Variants in DPP3 observed in about 807,000 individuals in gnomAD.
DPP3 encodes dipeptidyl peptidase 3, also known as DPP III.
Under a neutral mutation model 89.8 loss-of-function variants are expected in DPP3, and 64 were observed. That is an observed-to-expected ratio of 0.71 (90% CI 0.58 to 0.88). DPP3 has a LOEUF of 0.88. DPP3 is among the 40% of genes least tolerant of loss of function. The pLI, the probability that DPP3 is intolerant of heterozygous loss-of-function variation, is 0.00. For missense variants in DPP3, 835 were observed against 972.5 expected, an observed-to-expected ratio of 0.86 and a Z score of 1.88; for synonymous variants, 377 against 404.3, an observed-to-expected ratio of 0.93 and a Z score of 0.81.
chr11:66,487,983 C>A lies in DPP3; in HGVS notation c.643C>A (p.Arg215=). ...AGAAGGGAAGCCCTACTACGAGGTG[C>A]GGCTGGCTTCTGTGCTTGGCTCAGG... The part of the protein sequence containing the change: ...DGEGKPYYEV[R]LASVLGSEPS... The change falls in exon 6 of 18, where the codon CGG becomes AGG. Residue 215 remains arginine, a synonymous_variant. Transcript: ENST00000531863. 1 of 1,613,986 alleles carries A rather than the reference C, an allele frequency of 6.2e-7. No homozygotes were observed. Among genetic ancestry groups the A allele is most frequent in the Non-Finnish European group, 8.5e-7 (1 of 1,179,920 alleles).
chr11:66,503,809 C>T (rs911723341), intron 16 of DPP3, among the ~76,000 whole-genome samples: 2 of 152,258 alleles, frequency 1.3e-5, no homozygotes, highest in East Asian at 3.9e-4. Context: ...ATCACTTGAA[C>T]CCGGGAGGCA....
intron 17 of DPP3, among the ~76,000 whole-genome samples, chr11:66,508,103 G>C (rs1212685534): frequency 6.6e-6 from 1 of 152,218 alleles, no homozygotes; most frequent in South Asian, 2.1e-4. Context: ...TCACAAAGCT[G>C]TTGGGTGGCA....
At chr11:66,497,061 C>T (rs1463241814) in intron 15 of DPP3, among the ~76,000 whole-genome samples, 1 of 152,136 alleles carries the variant, frequency 6.6e-6, no homozygotes, top group Non-Finnish European at 1.5e-5. Context: ...AAATGGCCTC[C>T]CTGTCTCCTA....
Position 66,491,530 on chromosome 11 carries a change from G to T in DPP3, c.835G>T (p.Ala279Ser), listed in dbSNP as rs200633983. The T allele has an allele frequency of 5.0e-6, 8 of 1,612,730 alleles. No individual in the cohort carries two copies. The highest frequency in any genetic ancestry group is 6.8e-6 in the Non-Finnish European group (8 of 1,179,248). The change falls in exon 8 of 18, where the codon GCC (alanine) becomes TCC (serine). Residue 279 changes from alanine (A) to serine (S), a missense_variant. Ala to Ser is a moderately conservative substitution (Grantham distance 99, BLOSUM62 1). Coordinates refer to ENST00000531863, the MANE Select transcript of DPP3 (RefSeq NM_130443.4). ...AANSHQGQML[A>S]QYIESFTQGS... ...CAACAGCCACCAGGGGCAGATGCTG[G>T]CCCAGTATATAGAGAGCTTCACCCA...
At position 66,486,499 on chromosome 11, in the gene DPP3, T is replaced by G. The variant is rs1855231059; in HGVS notation, c.361-41T>G. ...GTAGGGAGGCTCTGGAAGGCAGGTT[T>G]GGGTGGTGTGACTGGGCCATTGGCC... On this transcript the variant is annotated intron_variant, in intron 3 of 17. Coordinates refer to ENST00000531863, the MANE Select transcript of DPP3 (RefSeq NM_130443.4). 2.0e-6 allele frequency: 3 copies of G among 1,465,056 alleles called. No individual in the cohort carries two copies. The East Asian group carries it at 7.8e-5, about 38-fold the overall frequency. 90.8% of individuals were successfully genotyped at this position (1,465,056 alleles called of 1,614,324 possible).
rs769395226 is a variant in DPP3 at position 66,504,758 on chromosome 11, C to T, written c.2025C>T (p.Pro675=). ...AATCTCGGAAGCTCATTGTTCAGCC[C>T]AACACTCGCCTTGAAGGTAATGAGG... ...RKESRKLIVQ[P]NTRLEGSDVQ... The change falls in exon 17 of 18, where the codon CCC becomes CCT. Residue 675 remains proline, a synonymous_variant. Transcript: ENST00000531863. 9 of 1,611,684 alleles carry T rather than the reference C, an allele frequency of 5.6e-6. No individual in the cohort carries two copies. Among genetic ancestry groups the T allele is most frequent in the Middle Eastern group, 1.8e-4 (1 of 5,576 alleles).
chr11:66,493,779 C>T (rs1855459913), intron 12 of DPP3, 146 bp downstream of exon 12: 2 of 777,938 alleles, frequency 2.6e-6, no homozygotes, highest in Non-Finnish European at 4.0e-6. Flanking sequence ...CAGAGAAGAC[C>T]CTGTCTTGCC....
At chr11:66,484,269 G>A (rs1416777667) in intron 2 of DPP3, among the ~76,000 whole-genome samples, 2 of 152,090 alleles carry the variant, frequency 1.3e-5, no homozygotes, top group African/African-American at 4.8e-5. Flanking sequence ...GAGCCACCAC[G>A]CCTGGCCATT....
rs11826683 is a variant in DPP3 at position 66,482,427 on chromosome 11, G to A, written c.227G>A (p.Arg76His). The A allele has an allele frequency of 3.9e-3, 6,255 of 1,608,834 alleles. 204 individuals carry two copies. The African/African-American group carries it at 0.073, about 19-fold the overall frequency. ...LFRAQDPDQL[R>H]QHALAEGLTE... ...CGCGCCCAGGACCCCGACCAGCTGC[G>A]CCAACATGCCCTGGCTGAAGGCCTT... Residue 76 changes from arginine to histidine, a missense_variant, in exon 2 of 18, where the codon CGC becomes CAC. By Grantham distance (29) the Arg-to-His change is conservative (BLOSUM62 0). Coordinates refer to ENST00000531863, the MANE Select transcript of DPP3 (RefSeq NM_130443.4).
rs371108340 is a variant in DPP3, at chr11:66,482,409, A to G, written c.209A>G (p.Gln70Arg). 1.2e-6 allele frequency: 2 copies of G among 1,610,326 alleles called. No homozygotes were observed. Among genetic ancestry groups the G allele is most frequent in the Non-Finnish European group, 8.5e-7 (1 of 1,180,012 alleles). The change falls in exon 2 of 18, where the codon CAG becomes CGG. Residue 70 changes from glutamine (Q) to arginine (R), a missense_variant. Physicochemically the swap from Gln to Arg is conservative, Grantham distance 43. Coordinates refer to ENST00000531863, the MANE Select transcript of DPP3 (RefSeq NM_130443.4). ...YALLSRLFRA[Q>R]DPDQLRQHAL... ...CTGCTCAGCCGCCTCTTCCGCGCCC[A>G]GGACCCCGACCAGCTGCGCCAACAT...
chr11:66,502,907 G>T (rs1254323319), intron 16 of DPP3, among the ~76,000 whole-genome samples: 2 of 151,310 alleles, frequency 1.3e-5, no homozygotes, highest in Non-Finnish European at 2.9e-5. Context: ...CCGAGTGTTT[G>T]TTTTAATATT....
rs981560356 is a variant in DPP3 at position 66,495,301 on chromosome 11, T to G, written c.1452+33T>G. 7 of 1,613,790 alleles carry G rather than the reference T, an allele frequency of 4.3e-6. No homozygotes were observed. In the Admixed American group the frequency reaches 5.0e-5, roughly 12 times the overall value. Reference sequence around the variant, plus strand: ...AGGCCTCAGCAGAGCCCCAGGGTACTGGGAGGGTGGGCACAGGTGGGGCAG... The same window carrying G: ...AGGCCTCAGCAGAGCCCCAGGGTACGGGGAGGGTGGGCACAGGTGGGGCAG... On this transcript the variant is annotated intron_variant, in intron 13 of 17. Transcript: ENST00000531863.
chr11:66,487,799 G>A, intron 5 of DPP3, 115 bp from the exon 6 acceptor site: 2 of 910,602 alleles, frequency 2.2e-6, no homozygotes, highest in Non-Finnish European at 3.4e-6. Context: ...CAACCCAGAA[G>A]GCCCAGCCTG....
intron 17 of DPP3, 116 bp from the exon 18 acceptor site, chr11:66,508,963 G>T: frequency 7.5e-7 from 1 of 1,334,990 alleles, no homozygotes; most frequent in Non-Finnish European, 1.0e-6. Context: ...AGGTTTTTTT[G>T]GCAGAGCTCA....
At chr11:66,496,612 C>G (rs1171378573) in intron 15 of DPP3, among the ~76,000 whole-genome samples, 1 of 152,132 alleles carries the variant, frequency 6.6e-6, no homozygotes, top group African/African-American at 2.4e-5. Flanking sequence ...GATGGGGTTT[C>G]ACCGTGTTAG....
At chr11:66,492,258 C>G (rs1309569316) in intron 9 of DPP3, among the ~76,000 whole-genome samples, 2 of 152,200 alleles carry the variant, frequency 1.3e-5, no homozygotes, top group East Asian at 3.8e-4. Context: ...GGCTGTCATC[C>G]CAGGCTGGTG....
chr11:66,491,987 G>A (rs1050979760), intron 9 of DPP3, among the ~76,000 whole-genome samples: 5 of 152,206 alleles, frequency 3.3e-5, no homozygotes, highest in African/African-American at 1.2e-4. Flanking sequence ...TCTTCACTTT[G>A]CAGATGTGAG....
intron 2 of DPP3, among the ~76,000 whole-genome samples, chr11:66,484,009 C>T (rs903344604): frequency 6.6e-6 from 1 of 151,158 alleles, no homozygotes; most frequent in Non-Finnish European, 1.5e-5. Context: ...GACGGAGTCT[C>T]GCTCTGTCAC....
rs1855507418 is a variant in DPP3, at chr11:66,495,415, C to T, written c.1503C>T (p.Thr501=). The part of the protein sequence containing the change: ...SGETWDSKFS[T]IASSYEECRA... ...AGACCTGGGATAGCAAGTTCAGCAC[C>T]ATCGCCTCCAGCTACGAAGAGTGCC... Residue 501 remains threonine, a synonymous_variant, in exon 14 of 18, where the codon ACC becomes ACT. Coordinates refer to ENST00000531863, the MANE Select transcript of DPP3 (RefSeq NM_130443.4). The T allele has an allele frequency of 1.2e-6, 2 of 1,612,878 alleles. No individual in the cohort carries two copies. The highest frequency in any genetic ancestry group is 2.2e-5 in the South Asian group (2 of 90,964).
Sources: gnomAD v4.1 joint callset for allele counts (sites outside exome capture counted in the v4.1 genomes callset) on GRCh38, gnomAD v4.1.1 for gene constraint, MANE v1.5 for transcripts, NCBI Gene and HGNC (gene_info 2026-07-23, HGNC 2026-07-21) for gene names.